The following ELOVL5 variants were observed in gnomAD, a reference collection of about 807,000 sequenced individuals.
The protein encoded by ELOVL5 is ELOVL fatty acid elongase 5, also known as very long chain fatty acid elongase 5.
ELOVL5 carries 8 observed loss-of-function variants against 38.6 expected under a neutral mutation model. That is an observed-to-expected ratio of 0.21 (90% CI 0.12 to 0.37). The LOEUF (loss-of-function observed/expected upper bound fraction) is 0.37. Among genes scored for constraint, ELOVL5 ranks in the 10% least tolerant of loss-of-function variants. ELOVL5 has a pLI of 1.00. For synonymous variants in ELOVL5, 127 were observed against 133.7 expected, an observed-to-expected ratio of 0.95 and a Z score of 0.34; for missense variants, 280 against 367.8, an observed-to-expected ratio of 0.76 and a Z score of 1.95.
At chr6:53,270,448 C>T in intron 7 of ELOVL5, 145 bp downstream of exon 7, 1 of 799,820 alleles carries the variant, frequency 1.3e-6, no homozygotes, top group Non-Finnish European at 2.0e-6. Flanking sequence ...CCCCCAGAGG[C>T]AGGGGCTGCT....
At chr6:53,319,212 A>G (rs1028247677) in intron 1 of ELOVL5, among the ~76,000 whole-genome samples, 3 of 137,336 alleles carry the variant, frequency 2.2e-5, no homozygotes, top group Non-Finnish European at 4.6e-5. Flanking sequence ...CGGAGCTTGC[A>G]GTGAGCTGAG....
chr6:53,323,576 C>CTT (rs3063792), intron 1 of ELOVL5, among the ~76,000 whole-genome samples: 28,065 of 81,216 alleles, frequency 0.35, 6,086 homozygotes, highest in African/African-American at 0.47. Context: ...TACTAGCCAG[C>CTT]TTTTTTTTTT....
At position 53,339,482 on chromosome 6, in the gene ELOVL5, A is replaced by T. The variant is rs898210418; in HGVS notation, c.-9+9335T>A. On this transcript the variant is annotated intron_variant, in intron 1 of 7. Transcript: ENST00000304434. The stretch of plus-strand genomic sequence containing the variant: ...CTTAATGGGGCCTTGTATCAAAATG[A>T]CTTAATGTCATTCTCTATCAGAATG... Among the ~76,000 whole-genome samples the T allele has an allele frequency of 2.6e-5, 4 of 152,326 alleles. No homozygotes were observed. In the South Asian group the frequency reaches 6.2e-4, roughly 24 times the overall value.
chr6:53,299,941 C>G (rs1289593433), intron 1 of ELOVL5, among the ~76,000 whole-genome samples: 12 of 152,138 alleles, frequency 7.9e-5, no homozygotes, highest in African/African-American at 2.9e-4. Flanking sequence ...TCTAAAAGAA[C>G]AGATACATGT....
chr6:53,294,254 G>T, intron 2 of ELOVL5: 1 of 1,540,868 alleles, frequency 6.5e-7, no homozygotes, highest in Non-Finnish European at 8.8e-7. Flanking sequence ...GTCAATCTGT[G>T]GTGGTCCTAA....
rs749742260 is a variant in ELOVL5 at position 53,348,862 on chromosome 6, G to C, written c.-54C>G. 1 of 458,200 alleles carries C rather than the reference G, an allele frequency of 2.2e-6. No homozygotes were observed. The highest frequency in any genetic ancestry group is 2.0e-5 in the African/African-American group (1 of 49,796). The allele number at this position is 458,200 out of a possible 1,614,324, so 28.4% of individuals were successfully genotyped here. On this transcript the variant is annotated 5_prime_UTR_variant, in exon 1 of 8. Coordinates refer to ENST00000304434, the MANE Select transcript of ELOVL5 (RefSeq NM_021814.5). ...AGCAGCTTTGAGCAGCAGCAAGGCG[G>C]CGGCGGCGGAGGGAGCGCGGGTGGC...
chr6:53,348,950 G>A lies in ELOVL5; in HGVS notation c.-142C>T, dbSNP rs189313871. On this transcript the variant is annotated 5_prime_UTR_variant, in exon 1 of 8. Coordinates refer to ENST00000304434, the MANE Select transcript of ELOVL5 (RefSeq NM_021814.5). ...GGCTAGGACCCGCGCGATGGGAAGA[G>A]GAAGGCGCCGGCTATCTACAATCAG... The A allele has an allele frequency of 2.2e-4, 91 of 422,580 alleles. 1 individual carries two copies. Among genetic ancestry groups the A allele is most frequent in the African/African-American group, 1.7e-3 (81 of 47,564 alleles). 26.2% of individuals were successfully genotyped at this position (422,580 alleles called of 1,614,324 possible).
chr6:53,300,270 G>C (rs994823394), intron 1 of ELOVL5, among the ~76,000 whole-genome samples: 1 of 152,150 alleles, frequency 6.6e-6, no homozygotes, highest in African/African-American at 2.4e-5. Flanking sequence ...CCTCATGTTT[G>C]TCAAGGCAGC....
chr6:53,332,217 A>C (rs1335566979), intron 1 of ELOVL5, among the ~76,000 whole-genome samples: 2 of 152,326 alleles, frequency 1.3e-5, no homozygotes, highest in East Asian at 3.9e-4. Context: ...CTGTGAAATA[A>C]GTTGTTACCA....
In ELOVL5 at chr6:53,270,659, A is replaced by C. The variant is rs373426093; in HGVS notation, c.690T>G (p.Gly230=). Residue 230 remains glycine, a synonymous_variant, in exon 7 of 8, where the codon GGT becomes GGG. Transcript: ENST00000304434. Reference sequence around the variant, plus strand: ...TGTATCCAATCTGGAAATACAACCAACCAAGAGGGAATGTGCACGGCCAGA... The same window carrying C: ...TGTATCCAATCTGGAAATACAACCACCCAAGAGGGAATGTGCACGGCCAGA... ...GVIWPCTFPL[G]WLYFQIGYMI... The C allele has an allele frequency of 6.2e-7, 1 of 1,614,132 alleles. No individual in the cohort carries two copies. The highest frequency in any genetic ancestry group is 8.5e-7 in the Non-Finnish European group (1 of 1,179,994).
chr6:53,291,640 T>C (rs1055552588), intron 3 of ELOVL5, 136 bp downstream of exon 3: 12 of 552,270 alleles, frequency 2.2e-5, no homozygotes, highest in Non-Finnish European at 3.4e-5. Context: ...AACACACTCA[T>C]AACGCATTAA....
At chr6:53,326,979 C>T (rs1163679457) in intron 1 of ELOVL5, among the ~76,000 whole-genome samples, 4 of 152,200 alleles carry the variant, frequency 2.6e-5, no homozygotes, top group Admixed American at 1.3e-4. Context: ...GTGCAGCAGA[C>T]AGTTATGGGT....
chr6:53,298,905 G>T (rs377613926), intron 1 of ELOVL5, among the ~76,000 whole-genome samples: 1 of 149,602 alleles, frequency 6.7e-6, no homozygotes, highest in East Asian at 2.0e-4. Flanking sequence ...CAAGGCGGGG[G>T]GGGGGAGTTG....
intron 1 of ELOVL5, among the ~76,000 whole-genome samples, chr6:53,325,566 G>A (rs926142244): frequency 6.6e-6 from 1 of 152,222 alleles, no homozygotes; most frequent in Non-Finnish European, 1.5e-5. Flanking sequence ...CTAGCACCCA[G>A]TCAGAGACAG....
At chr6:53,313,728 A>C (rs1376317812) in intron 1 of ELOVL5, among the ~76,000 whole-genome samples, 1 of 132,706 alleles carries the variant, frequency 7.5e-6, no homozygotes, top group Non-Finnish European at 1.6e-5. Flanking sequence ...AAAGTTTACC[A>C]TATTATAAAA....
intron 1 of ELOVL5, among the ~76,000 whole-genome samples, chr6:53,322,339 C>T (rs772537257): frequency 3.3e-5 from 5 of 152,212 alleles, no homozygotes; most frequent in East Asian, 1.9e-4. Flanking sequence ...ATATATACAA[C>T]GTTTCGCAGA....
At chr6:53,329,173 G>A (rs1480003216) in intron 1 of ELOVL5, among the ~76,000 whole-genome samples, 1 of 144,522 alleles carries the variant, frequency 6.9e-6, no homozygotes, top group African/African-American at 2.7e-5. Flanking sequence ...TATATATAAA[G>A]TATAACTAAC....
At chr6:53,341,486 T>C (rs1199052690) in intron 1 of ELOVL5, among the ~76,000 whole-genome samples, 1 of 152,220 alleles carries the variant, frequency 6.6e-6, no homozygotes, top group Non-Finnish European at 1.5e-5. Flanking sequence ...CTACTAGCTG[T>C]GGATATTTGG....
At chr6:53,326,062 G>A (rs1244880412) in intron 1 of ELOVL5, among the ~76,000 whole-genome samples, 1 of 152,206 alleles carries the variant, frequency 6.6e-6, no homozygotes, top group Non-Finnish European at 1.5e-5. Context: ...GATAATTCAA[G>A]CGAAGGCACA....
Sources: gnomAD v4.1 joint callset for allele counts (sites outside exome capture counted in the v4.1 genomes callset) on GRCh38, gnomAD v4.1.1 for gene constraint, MANE v1.5 for transcripts, NCBI Gene and HGNC (gene_info 2026-07-23, HGNC 2026-07-21) for gene names.